MS4A5: variants seen among roughly 807,000 people sequenced by gnomAD.
The protein encoded by MS4A5 is membrane-spanning 4-domains subfamily A member 5.
MS4A5 carries 15 observed loss-of-function variants against 18.2 expected under a neutral mutation model. The observed-to-expected ratio is 0.83, with a 90% confidence interval of 0.55 to 1.27. The LOEUF (loss-of-function observed/expected upper bound fraction) is 1.27, where lower values mean the gene tolerates loss of function less well. Ranked by LOEUF, MS4A5 falls within the 50% of genes most tolerant of loss-of-function variation. The pLI, the probability that MS4A5 is intolerant of heterozygous loss-of-function variation, is 0.00. For missense variants in MS4A5, 232 were observed against 225.7 expected (o/e 1.03, Z -0.18); for synonymous variants, 89 against 78.7 (o/e 1.13, Z -0.69).
At chr11:60,436,182 C>A (rs2135174113) in intron 4 of MS4A5, among the ~76,000 whole-genome samples, 1 of 151,748 alleles carries the variant, frequency 6.6e-6, no homozygotes, top group South Asian at 2.1e-4. Context: ...CCTCACACGG[C>A]AGAGTACTCC....
intron 4 of MS4A5, among the ~76,000 whole-genome samples, chr11:60,436,193 A>T (rs1469992563): frequency 6.6e-6 from 1 of 151,574 alleles, no homozygotes; most frequent in African/African-American, 2.4e-5. Flanking sequence ...AGAGTACTCC[A>T]ACAGACCTGC....
At position 60,431,042 on chromosome 11, in the gene MS4A5, TA is replaced by T; in HGVS notation, c.282+120del. ...ACATGCTTTCAAAAGTGCAAAAAAC[TA>T]ACCTTGTTGAAATTATTTCCCCATT... On this transcript the variant is annotated intron_variant, in intron 2 of 4. Transcript: ENST00000300190. The T allele has an allele frequency of 3.6e-6, 4 of 1,104,296 alleles. No individual in the cohort carries two copies. The East Asian group carries it at 1.0e-4, about 28-fold the overall frequency. The allele number at this position is 1,104,296 out of a possible 1,614,324, so 68.4% of individuals were successfully genotyped here.
chr11:60,430,836 G>C lies in MS4A5; in HGVS notation c.194G>C (p.Gly65Ala). 1.2e-6 allele frequency: 2 copies of C among 1,613,230 alleles called. No individual in the cohort carries two copies. The highest frequency in any genetic ancestry group is 1.7e-6 in the Non-Finnish European group (2 of 1,179,848). ...ILFGIMTFSF[G>A]VIFLFTLLKP... Reference sequence around the variant, plus strand: ...TTTGGAATTATGACCTTTTCTTTTGGAGTTATCTTCCTTTTCACCTTGTTA... The same window carrying C: ...TTTGGAATTATGACCTTTTCTTTTGCAGTTATCTTCCTTTTCACCTTGTTA... The change falls in exon 2 of 5, where the codon GGA becomes GCA. Residue 65 changes from glycine (G) to alanine (A), a missense_variant. Coordinates refer to ENST00000300190, the MANE Select transcript of MS4A5 (RefSeq NM_023945.3).
At chr11:60,431,019 A>G in intron 2 of MS4A5, 95 bp downstream of exon 2, 1 of 1,436,000 alleles carries the variant, frequency 7.0e-7, no homozygotes, top group East Asian at 2.4e-5. Context: ...GTTGTATGAC[A>G]TGCTTTCAAA....
At chr11:60,447,625 T>A (rs2086148409) in intron 4 of MS4A5, 24 bp from the exon 5 acceptor site, 6 of 1,350,654 alleles carry the variant, frequency 4.4e-6, no homozygotes, top group Non-Finnish European at 6.2e-6. Context: ...CTCTTCATTT[T>A]TTTTTCTTCT....
At chr11:60,444,125 GTT>G (rs1015224222) in intron 4 of MS4A5, among the ~76,000 whole-genome samples, 1 of 152,114 alleles carries the variant, frequency 6.6e-6, no homozygotes, top group African/African-American at 2.4e-5. Flanking sequence ...GCTGTCACAA[GTT>G]TGACATGAAA....
At chr11:60,443,328 A>G (rs896726571) in intron 4 of MS4A5, among the ~76,000 whole-genome samples, 66 of 151,984 alleles carry the variant, frequency 4.3e-4, no homozygotes, top group African/African-American at 1.6e-3. Context: ...TTAAATGTCA[A>G]TTTTAAAAAG....
chr11:60,435,422 G>A (rs2086073485), intron 4 of MS4A5: 2 of 445,000 alleles, frequency 4.5e-6, no homozygotes, highest in South Asian at 3.2e-5. Flanking sequence ...AATGAGGGGG[G>A]AGGAGCCAAG....
chr11:60,435,242 T>G (rs1031282433), intron 4 of MS4A5, among the ~76,000 whole-genome samples: 2 of 151,868 alleles, frequency 1.3e-5, no homozygotes, highest in African/African-American at 4.8e-5. Flanking sequence ...AAATTTTCCA[T>G]TGAAAATTAA....
At chr11:60,433,695 C>G in intron 3 of MS4A5, 70 bp from the exon 4 acceptor site, 1 of 1,462,392 alleles carries the variant, frequency 6.8e-7, no homozygotes, top group South Asian at 1.2e-5. Context: ...CTCCATTCTC[C>G]GCACTCATTG....
chr11:60,436,438 G>A (rs1056866068), intron 4 of MS4A5, among the ~76,000 whole-genome samples: 3 of 139,444 alleles, frequency 2.2e-5, no homozygotes, highest in East Asian at 4.1e-4. Flanking sequence ...TGACTTTGAC[G>A]AGTTGAGAGG....
chr11:60,447,451 T>C (rs890700020), intron 4 of MS4A5, among the ~76,000 whole-genome samples, 198 bp from the exon 5 acceptor site: 1 of 152,276 alleles, frequency 6.6e-6, no homozygotes, highest in Non-Finnish European at 1.5e-5. Flanking sequence ...TATCCTATTC[T>C]ATGCTATGCT....
chr11:60,438,724 G>A (rs1376525818), intron 4 of MS4A5, among the ~76,000 whole-genome samples: 2 of 151,292 alleles, frequency 1.3e-5, no homozygotes, highest in Non-Finnish European at 2.9e-5. Flanking sequence ...ACTAAACCAG[G>A]AAGAAGTTGA....
At position 60,429,678 on chromosome 11, in the gene MS4A5, G is replaced by A. The variant is rs1200696126; in HGVS notation, c.4G>A (p.Asp2Asn). Reference sequence around the variant, plus strand: ...TCAAATTATCACCGACACCATCATGGATTCAAGCACCGCACACAGTCCGGT... The same window carrying A: ...TCAAATTATCACCGACACCATCATGAATTCAAGCACCGCACACAGTCCGGT... MDSSTAHSPVFL... is the reference protein window; with the variant it reads MNSSTAHSPVFL... Residue 2 changes from aspartate to asparagine, a missense_variant, in exon 1 of 5, where the codon GAT (aspartate) becomes AAT (asparagine). Transcript: ENST00000300190. 3 of 1,607,650 alleles carry A rather than the reference G, an allele frequency of 1.9e-6. No homozygotes were observed. In the South Asian group the frequency reaches 3.3e-5, roughly 18 times the overall value.
At chr11:60,447,180 C>T (rs528919238) in intron 4 of MS4A5, among the ~76,000 whole-genome samples, 32 of 151,308 alleles carry the variant, frequency 2.1e-4, no homozygotes, top group African/African-American at 7.1e-4. Context: ...TTATGCTATG[C>T]TATGCTATCC....
chr11:60,431,788 A>G (rs549136208), intron 2 of MS4A5, among the ~76,000 whole-genome samples: 2 of 152,328 alleles, frequency 1.3e-5, no homozygotes, highest in African/African-American at 4.8e-5. Context: ...GGCTGAAGGT[A>G]TGGGAGAGCA....
chr11:60,436,101 A>T (rs960853022), intron 4 of MS4A5, among the ~76,000 whole-genome samples: 2 of 152,042 alleles, frequency 1.3e-5, no homozygotes, highest in African/African-American at 2.4e-5. Context: ...CTGCCTCCTC[A>T]AGTGGGTCCC....
intron 2 of MS4A5, among the ~76,000 whole-genome samples, chr11:60,431,632 G>A (rs962110796): frequency 2.0e-5 from 3 of 152,122 alleles, no homozygotes; most frequent in Admixed American, 6.5e-5. Context: ...AGGGGACAAC[G>A]CCCAGAGACA....
In MS4A5 at chr11:60,443,136, G is replaced by A. The variant is rs192974550; in HGVS notation, c.493-4513G>A. ...AGCCTGGGCAGCAGAGCAAGACTCCGTCTCAAAAACAACAACAACAACAAA... is the reference window on the plus strand; with the variant it reads ...AGCCTGGGCAGCAGAGCAAGACTCCATCTCAAAAACAACAACAACAACAAA... On this transcript the variant is annotated intron_variant, in intron 4 of 4. Transcript: ENST00000300190. 9.4e-3 allele frequency among the ~76,000 whole-genome samples: 1,433 copies of A among 151,726 alleles called. 14 individuals are homozygous for A. The highest frequency in any genetic ancestry group is 0.024 in the South Asian group (117 of 4,820).
Sources: allele counts gnomAD v4.1 joint callset (sites outside exome capture counted in the v4.1 genomes callset), GRCh38; gene constraint gnomAD v4.1.1; transcripts MANE v1.5; gene names NCBI Gene and HGNC (gene_info 2026-07-23, HGNC 2026-07-21).